The following BPI variants were observed in gnomAD, a reference collection of about 807,000 sequenced individuals.
BPI encodes the protein bactericidal permeability-increasing protein.
A neutral mutation model predicts 57.6 loss-of-function variants in BPI; 48 were observed. That is an observed-to-expected ratio of 0.83 (90% CI 0.66 to 1.06). BPI has a LOEUF of 1.06. BPI is among the 50% of genes least tolerant of loss of function. The pLI is 0.00. For synonymous variants in BPI, 237 were observed against 238.2 expected (o/e 0.99, Z 0.05); for missense variants, 651 against 609.7 (o/e 1.07, Z -0.71).
At chr20:38,331,161 C>T (rs1052941031) in intron 12 of BPI, 71 bp downstream of exon 12, 14 of 1,528,414 alleles carry the variant, frequency 9.2e-6, no homozygotes, top group African/African-American at 8.3e-5. Flanking sequence ...ATGTCATAGG[C>T]TCAAGGCATT....
intron 11 of BPI, among the ~76,000 whole-genome samples, chr20:38,328,187 G>T (rs2076723338): frequency 6.6e-6 from 1 of 152,192 alleles, no homozygotes; most frequent in Admixed American, 6.5e-5. Flanking sequence ...ACATGAGGCT[G>T]CCTGCGTTAA....
At chr20:38,318,132 A>C in intron 5 of BPI, 1 of 845,718 alleles carries the variant, frequency 1.2e-6, no homozygotes, top group Non-Finnish European at 1.4e-6. Context: ...AAAAAAAAAA[A>C]ACCTTATAAA....
At chr20:38,319,561 G>A (rs1463837254) in intron 6 of BPI, among the ~76,000 whole-genome samples, 1 of 152,258 alleles carries the variant, frequency 6.6e-6, no homozygotes, top group African/African-American at 2.4e-5. Flanking sequence ...TGGTCTGAAT[G>A]CCAGCTTCAT....
intron 1 of BPI, 69 bp downstream of exon 1, chr20:38,304,422 C>A: frequency 6.3e-7 from 1 of 1,576,316 alleles, no homozygotes; most frequent in African/African-American, 1.3e-5. Context: ...ACTGTGTGCA[C>A]CCCTTTAGAT....
intron 12 of BPI, 88 bp from the exon 13 acceptor site, chr20:38,334,342 G>T: frequency 1.6e-6 from 2 of 1,274,238 alleles, no homozygotes; most frequent in Non-Finnish European, 2.3e-6. Context: ...GGGAAAGGAG[G>T]GTGACAGAGG....
intron 10 of BPI, chr20:38,326,669 C>A: frequency 2.2e-6 from 1 of 459,030 alleles, no homozygotes; most frequent in Non-Finnish European, 3.8e-6. Flanking sequence ...CAGTCAATTT[C>A]TCATTCATTC....
At chr20:38,322,058 CA>C (rs1280939487) in intron 7 of BPI, among the ~76,000 whole-genome samples, 2 of 152,202 alleles carry the variant, frequency 1.3e-5, no homozygotes, top group Non-Finnish European at 2.9e-5. Flanking sequence ...CAACACGTAT[CA>C]TAGGAACATC....
At chr20:38,310,757 G>A in intron 4 of BPI, 105 bp downstream of exon 4, 2 of 1,454,532 alleles carry the variant, frequency 1.4e-6, no homozygotes, top group Non-Finnish European at 1.9e-6. Context: ...TGCATGCCAG[G>A]CCTTGCTCAG....
chr20:38,323,737 G>C, intron 7 of BPI, 133 bp from the exon 8 acceptor site: 2 of 998,406 alleles, frequency 2.0e-6, no homozygotes, highest in Non-Finnish European at 2.9e-6. Context: ...TGATGCTACT[G>C]TTAGTTTCTG....
chr20:38,330,866 T>C (rs2076738639), intron 11 of BPI, among the ~76,000 whole-genome samples, 182 bp from the exon 12 acceptor site: 1 of 152,116 alleles, frequency 6.6e-6, no homozygotes, highest in African/African-American at 2.4e-5. Flanking sequence ...GCACTAACAA[T>C]GCAGGGAATG....
chr20:38,330,739 C>G (rs1439530496), intron 11 of BPI, among the ~76,000 whole-genome samples: 1 of 152,242 alleles, frequency 6.6e-6, no homozygotes, highest in Non-Finnish European at 1.5e-5. Flanking sequence ...AGTCCTGGGA[C>G]TGACTTTCAT....
At chr20:38,331,396 T>C (rs1419156502) in intron 12 of BPI, among the ~76,000 whole-genome samples, 2 of 152,228 alleles carry the variant, frequency 1.3e-5, no homozygotes, top group Admixed American at 1.3e-4. Flanking sequence ...AGAGAAAATC[T>C]GCTCAACAAA....
chr20:38,325,062 T>G (rs1263936433), intron 9 of BPI, among the ~76,000 whole-genome samples: 2 of 152,176 alleles, frequency 1.3e-5, no homozygotes, highest in East Asian at 3.9e-4. Flanking sequence ...GGAGGGTCTT[T>G]CATGCAATAA....
intron 6 of BPI, 148 bp from the exon 7 acceptor site, chr20:38,320,020 TTCCCTTAAGGCGAGC>T (rs2122527159): frequency 1.6e-6 from 1 of 619,952 alleles, no homozygotes; most frequent in Admixed American, 2.8e-5. Context: ...TGGGTTCATT[TTCCCTTAAGGCGAGC>T]TCCCTTAAGG....
Position 38,329,321 on chromosome 20 carries a change from C to G in BPI, c.1229+1666C>G, listed in dbSNP as rs562288859. 2.0e-5 allele frequency among the ~76,000 whole-genome samples: 3 copies of G among 152,318 alleles called. No homozygotes were observed. In the East Asian group the frequency reaches 5.8e-4, roughly 29 times the overall value. Reference sequence around the variant, plus strand: ...CAGCACATTTGCGCTGTTTTCACGCCGCCTTGACCCACATCCCTGCCCAGT... The same window carrying G: ...CAGCACATTTGCGCTGTTTTCACGCGGCCTTGACCCACATCCCTGCCCAGT... On this transcript the variant is annotated intron_variant, in intron 11 of 14. Coordinates refer to ENST00000642449, the MANE Select transcript of BPI (RefSeq NM_001725.3).
At chr20:38,310,739 G>A (rs993520879) in intron 4 of BPI, 87 bp downstream of exon 4, 2 of 1,514,782 alleles carry the variant, frequency 1.3e-6, no homozygotes, top group Non-Finnish European at 1.8e-6. Flanking sequence ...CACATCCAGA[G>A]TGCCACCTGC....
rs878970428 is a variant in BPI at position 38,334,446 on chromosome 20, A to G, written c.1289A>G (p.Asp430Gly). The stretch of plus-strand genomic sequence containing the variant: ...GATTTCCAGGTTGAATTGCTGCAGG[A>G]TATCATGAACTACATTGTACCCATT... ...IGPFPVELLQ[D>G]IMNYIVPILV... Residue 430 changes from aspartate (D) to glycine (G), a missense_variant, in exon 13 of 15, where the codon GAT becomes GGT. Coordinates refer to ENST00000642449, the MANE Select transcript of BPI (RefSeq NM_001725.3). The G allele has an allele frequency of 6.2e-7, 1 of 1,614,020 alleles. No homozygotes were observed. Among genetic ancestry groups the G allele is most frequent in the Admixed American group, 1.7e-5 (1 of 60,030 alleles).
intron 7 of BPI, among the ~76,000 whole-genome samples, 176 bp downstream of exon 7, chr20:38,320,450 C>T (rs2076675704): frequency 6.6e-6 from 1 of 151,978 alleles, no homozygotes; most frequent in African/African-American, 2.4e-5. Context: ...CCCGCCATTC[C>T]CCGAAACACA....
intron 11 of BPI, among the ~76,000 whole-genome samples, chr20:38,328,782 A>G (rs564685146): frequency 6.6e-6 from 1 of 152,036 alleles, no homozygotes; most frequent in Admixed American, 6.5e-5. Flanking sequence ...GGATCGCCTG[A>G]GCCCAATAGT....
Sources: gnomAD v4.1 joint callset for allele counts (sites outside exome capture counted in the v4.1 genomes callset) on GRCh38, gnomAD v4.1.1 for gene constraint, MANE v1.5 for transcripts, NCBI Gene and HGNC (gene_info 2026-07-23, HGNC 2026-07-21) for gene names.